TUBB8B: variants seen among roughly 807,000 people sequenced by gnomAD.
TUBB8B encodes the protein tubulin beta 8B, also known as HSA18p11 beta-tubulin 4Q pseudogene.
A neutral mutation model predicts 31.9 loss-of-function variants in TUBB8B; 26 were observed. The observed-to-expected ratio is 0.81, with a 90% CI of 0.60 to 1.13. The LOEUF (loss-of-function observed/expected upper bound fraction) is 1.13. Among genes scored for constraint, TUBB8B ranks in the 50% most tolerant of loss-of-function variants. The pLI, the probability that TUBB8B is intolerant of heterozygous loss-of-function variation, is 0.00. For synonymous variants in TUBB8B, 173 were observed against 231.0 expected (o/e 0.75, Z 2.28); for missense variants, 467 against 586.7 (o/e 0.80, Z 2.11).
chr18:51,150 C>G (rs1032366407), upstream of TUBB8B, among the ~76,000 whole-genome samples: 2 of 151,974 alleles, frequency 1.3e-5, no homozygotes, highest in African/African-American at 4.8e-5. Context: ...AATAGCATAT[C>G]TAGCCCTCCT....
At chr18:52,678 A>C (rs1351649701), upstream of TUBB8B, among the ~76,000 whole-genome samples, 9 of 151,912 alleles carry the variant, frequency 5.9e-5, no homozygotes, top group Admixed American at 5.9e-4. Context: ...CATTGCTGAA[A>C]GATGTTGCTG....
At chr18:69,472 C>T in the TUBB8B span, among the ~76,000 whole-genome samples, 3 of 152,322 alleles carry the variant, frequency 2.0e-5, no homozygotes, top group African/African-American at 4.8e-5. Context: ...CTCCTCCTGA[C>T]TCTTCAGGGA....
the TUBB8B span, among the ~76,000 whole-genome samples, chr18:59,939 T>A: frequency 9.2e-5 from 14 of 151,938 alleles, no homozygotes; most frequent in East Asian, 2.7e-3. Flanking sequence ...CATTATGAAT[T>A]ACCTATTTAT....
chr18:63,716 T>C, the TUBB8B span, among the ~76,000 whole-genome samples: 6 of 118,390 alleles, frequency 5.1e-5, no homozygotes, highest in East Asian at 2.5e-4. Context: ...ACCCTAACAC[T>C]AACCCTAACC....
the TUBB8B span, among the ~76,000 whole-genome samples, chr18:61,105 G>A: frequency 6.6e-6 from 1 of 151,414 alleles, no homozygotes; most frequent in Non-Finnish European, 1.5e-5. Context: ...AGCTCTTATA[G>A]TATTTGCTTC....
the TUBB8B span, among the ~76,000 whole-genome samples, chr18:64,601 T>G: frequency 6.6e-6 from 1 of 150,788 alleles, no homozygotes; most frequent in Non-Finnish European, 1.5e-5. Context: ...GGCACGTGCC[T>G]GTGTTCCCAG....
Position 47,716 on chromosome 18 carries a change from T to C in TUBB8B, c.1009A>G (p.Asn337Asp), listed in dbSNP as rs777108347. The change falls in exon 4 of 4, where the codon AAC becomes GAC. Residue 337 changes from asparagine to aspartate, a missense_variant. By Grantham distance (23) the Asn-to-Asp change is conservative. This residue lies in a region of TUBB8B where 208 missense variants were observed against 206.7 expected (regional missense o/e 1.01). Coordinates refer to ENST00000308911, the MANE Select transcript of TUBB8B (RefSeq NM_001358689.2). ...AACCAGTCAGCAAAGTAGCTGCTGT[T>C]CTTATCTTGAATGTTGAACATTTGT... ...DEQMFNIQDK[N>D]SSYFADWFPD... 4 of 1,611,482 alleles carry C rather than the reference T, an allele frequency of 2.5e-6. No individual in the cohort carries two copies. Among genetic ancestry groups the C allele is most frequent in the East Asian group, 2.2e-5 (1 of 44,866 alleles).
At chr18:69,415 G>A in the TUBB8B span, among the ~76,000 whole-genome samples, 26 of 152,290 alleles carry the variant, frequency 1.7e-4, no homozygotes, top group East Asian at 4.8e-3. Context: ...CCGAGATGGT[G>A]CCAGAGGACT....
At chr18:63,946 TACCCTA>T in the TUBB8B span, among the ~76,000 whole-genome samples, 42 of 131,374 alleles carry the variant, frequency 3.2e-4, no homozygotes, top group Non-Finnish European at 5.5e-4. Flanking sequence ...CCTTAACCCT[TACCCTA>T]ACCCTAACCC....
At chr18:58,677 A>G in the TUBB8B span, among the ~76,000 whole-genome samples, 11 of 151,452 alleles carry the variant, frequency 7.3e-5, no homozygotes, top group South Asian at 2.1e-4. Context: ...AACTCTTCCA[A>G]CCTCTGCCTG....
rs781025853 is a variant in TUBB8B at position 48,313 on chromosome 18, A to G, written c.412T>C (p.Ser138Pro). ...DCLQGFQLTHSLGGGTGSGMG... is the reference protein window; with the variant it reads ...DCLQGFQLTHPLGGGTGSGMG... The stretch of plus-strand genomic sequence containing the variant: ...CCAGACCCAGTCCCCCCACCCAGGG[A>G]GTGGGTCAGCTGGAAACCCTGCAGG... The change falls in exon 4 of 4, where the codon TCC (serine) becomes CCC (proline). Residue 138 changes from serine to proline, a missense_variant. Coordinates refer to ENST00000308911, the MANE Select transcript of TUBB8B (RefSeq NM_001358689.2). 5.0e-6 allele frequency: 8 copies of G among 1,610,136 alleles called. No homozygotes were observed. The highest frequency in any genetic ancestry group is 6.8e-6 in the Non-Finnish European group (8 of 1,176,898).
At position 47,641 on chromosome 18, in the gene TUBB8B, T is replaced by C. The variant is rs748593984; in HGVS notation, c.1084A>G (p.Lys362Glu). ...AVCDIPPRGL[K>E]MSATFIGNNA... ...TTCCCAATGAAGGTGGCTGACATTT[T>C]TAGCCCCCGGGGTGGGATGTCACAG... is the stretch of plus-strand genomic sequence containing the variant. The change falls in exon 4 of 4, where the codon AAA (lysine) becomes GAA (glutamate). Residue 362 changes from lysine to glutamate, a missense_variant. By Grantham distance (56) the Lys-to-Glu change is moderately conservative. Transcript: ENST00000308911. The C allele has an allele frequency of 6.2e-7, 1 of 1,612,738 alleles. No homozygotes were observed. The highest frequency in any genetic ancestry group is 8.5e-7 in the Non-Finnish European group (1 of 1,179,446).
At chr18:63,128 C>T in the TUBB8B span, among the ~76,000 whole-genome samples, 1 of 151,620 alleles carries the variant, frequency 6.6e-6, no homozygotes, top group African/African-American at 2.4e-5. Context: ...AGGATTTGCC[C>T]CTGGTGCCTT....
chr18:58,166 T>G, the TUBB8B span, among the ~76,000 whole-genome samples: 1 of 151,692 alleles, frequency 6.6e-6, no homozygotes, highest in South Asian at 2.1e-4. Flanking sequence ...TTTTTTTTTT[T>G]TTAAGTTATA....
upstream of TUBB8B, among the ~76,000 whole-genome samples, chr18:53,345 A>C (rs564423291): frequency 1.7e-3 from 260 of 152,108 alleles, 3 homozygotes; most frequent in Middle Eastern, 0.017. Flanking sequence ...GAGTGAAATT[A>C]GTCCTCAAAG....
chr18:68,904 T>C, the TUBB8B span, among the ~76,000 whole-genome samples: 1 of 152,184 alleles, frequency 6.6e-6, no homozygotes, highest in Non-Finnish European at 1.5e-5. Flanking sequence ...GCATGTTCCC[T>C]CAAGCCATTC....
At chr18:54,336 A>G (rs1270544597), upstream of TUBB8B, among the ~76,000 whole-genome samples, 4 of 151,852 alleles carry the variant, frequency 2.6e-5, no homozygotes, top group Admixed American at 6.6e-5. Flanking sequence ...AATACATAAT[A>G]AAAAACAGGG....
At chr18:67,216 C>T in the TUBB8B span, among the ~76,000 whole-genome samples, 5 of 152,282 alleles carry the variant, frequency 3.3e-5, no homozygotes, top group South Asian at 4.1e-4. Flanking sequence ...AGGATGGTAT[C>T]GATCTCCTGA....
the TUBB8B span, among the ~76,000 whole-genome samples, chr18:60,680 A>C: frequency 6.6e-6 from 1 of 151,854 alleles, no homozygotes; most frequent in African/African-American, 2.4e-5. Flanking sequence ...GTTTGTTTCA[A>C]GAAATTTTTC....
Sources: allele counts gnomAD v4.1 joint callset (sites outside exome capture counted in the v4.1 genomes callset), GRCh38; gene constraint gnomAD v4.1.1; regional missense constraint gnomAD v4.1.1; transcripts MANE v1.5; gene names NCBI Gene and HGNC (gene_info 2026-07-23, HGNC 2026-07-21).